The following ZEB1 variants were observed in gnomAD, a reference collection of about 807,000 sequenced individuals.
ZEB1 encodes the protein zinc finger E-box binding homeobox 1.
A neutral mutation model predicts 84.9 loss-of-function variants in ZEB1; 21 were observed. The ratio of observed to expected loss-of-function variants is 0.25; its 90% CI spans 0.18 to 0.36. ZEB1 has a LOEUF of 0.36. Ranked by LOEUF, ZEB1 falls within the 10% of genes least tolerant of loss-of-function variation. The pLI is 1.00. For synonymous variants in ZEB1, 420 were observed against 471.1 expected, an observed-to-expected ratio of 0.89 and a Z score of 1.41; for missense variants, 1,104 against 1,330.2, an observed-to-expected ratio of 0.83 and a Z score of 2.65.
intron 1 of ZEB1, among the ~76,000 whole-genome samples, chr10:31,422,261 TTA>T (rs2056294664): frequency 6.6e-6 from 1 of 152,160 alleles, no homozygotes. Context: ...AGGATCTTAA[TTA>T]TAGTTCTTCA....
intron 1 of ZEB1, among the ~76,000 whole-genome samples, chr10:31,349,746 GT>G (rs201641233): frequency 6.6e-6 from 1 of 151,954 alleles, no homozygotes; most frequent in Non-Finnish European, 1.5e-5. Flanking sequence ...ACCCTTTGCT[GT>G]TTTTTTATTA....
At chr10:31,356,193 T>C (rs898187846) in intron 1 of ZEB1, among the ~76,000 whole-genome samples, 3 of 152,110 alleles carry the variant, frequency 2.0e-5, no homozygotes, top group Admixed American at 6.6e-5. Context: ...TTAGAAAACA[T>C]CGTTCCTTAA....
chr10:31,414,647 T>C (rs1041401336), intron 1 of ZEB1, among the ~76,000 whole-genome samples: 6 of 152,216 alleles, frequency 3.9e-5, no homozygotes, highest in African/African-American at 1.4e-4. Context: ...TTAGAGGTTG[T>C]GAGTTGATAT....
At chr10:31,322,259 T>A (rs946357743) in intron 1 of ZEB1, among the ~76,000 whole-genome samples, 4 of 152,256 alleles carry the variant, frequency 2.6e-5, no homozygotes, top group Admixed American at 2.6e-4. Flanking sequence ...ATGTGCTGGT[T>A]AATATTTCTT....
intron 1 of ZEB1, among the ~76,000 whole-genome samples, chr10:31,425,033 G>C (rs1489947397): frequency 6.6e-6 from 1 of 151,778 alleles, no homozygotes; most frequent in African/African-American, 2.4e-5. Flanking sequence ...TTTTCTTACA[G>C]AAAATTTGAA....
In ZEB1 at chr10:31,521,828, C is replaced by T; in HGVS notation, c.2496C>T (p.Ala832=). Residue 832 remains alanine, a synonymous_variant, in exon 7 of 9, where the codon GCC becomes GCT. Transcript: ENST00000424869. ...NSVPCLRALA[A]NKQTILIPQV... Reference sequence around the variant, plus strand: ...TTCCATGCTTAAGAGCGCTAGCTGCCAATAAGCAAACGATTCTGATTCCCC... The same window carrying T: ...TTCCATGCTTAAGAGCGCTAGCTGCTAATAAGCAAACGATTCTGATTCCCC... 1 of 1,613,612 alleles carries T rather than the reference C, an allele frequency of 6.2e-7. No individual in the cohort carries two copies. The highest frequency in any genetic ancestry group is 8.5e-7 in the Non-Finnish European group (1 of 1,179,740).
intron 1 of ZEB1, among the ~76,000 whole-genome samples, chr10:31,407,211 C>T (rs1412393609): frequency 6.6e-6 from 1 of 150,462 alleles, no homozygotes; most frequent in South Asian, 2.1e-4. Flanking sequence ...CGTCATCTAG[C>T]ATTAGGTATA....
At chr10:31,474,618 G>T (rs1565027026) in intron 2 of ZEB1, among the ~76,000 whole-genome samples, 1 of 152,170 alleles carries the variant, frequency 6.6e-6, no homozygotes, top group Non-Finnish European at 1.5e-5. Flanking sequence ...TGGTGGGACT[G>T]TAAACTAGTT....
At chr10:31,441,508 A>G (rs1430855406) in intron 1 of ZEB1, among the ~76,000 whole-genome samples, 2 of 152,246 alleles carry the variant, frequency 1.3e-5, no homozygotes, top group Non-Finnish European at 2.9e-5. Flanking sequence ...CAAGGACTTC[A>G]TGTCTAAAAC....
At chr10:31,380,414 C>T (rs1045384630) in intron 1 of ZEB1, among the ~76,000 whole-genome samples, 1 of 152,158 alleles carries the variant, frequency 6.6e-6, no homozygotes, top group Non-Finnish European at 1.5e-5. Flanking sequence ...ACTGTTTCTT[C>T]ATACTGCATC....
chr10:31,521,664 C>A lies in ZEB1; in HGVS notation c.2332C>A (p.Pro778Thr). Reference protein sequence around the residue: ...PLNLSCAKKEPQKDSCVTDSE... With the variant: ...PLNLSCAKKETQKDSCVTDSE... The stretch of plus-strand genomic sequence containing the variant: ...GAACTTGTCTTGCGCAAAAAAGGAG[C>A]CACAAAAGGACAGTTGTGTTACAGA... Residue 778 changes from proline (P) to threonine (T), a missense_variant, in exon 7 of 9, where the codon CCA becomes ACA. Coordinates refer to ENST00000424869, the MANE Select transcript of ZEB1 (RefSeq NM_001174096.2). The A allele has an allele frequency of 6.2e-7, 1 of 1,614,040 alleles. No individual in the cohort carries two copies. Among genetic ancestry groups the A allele is most frequent in the Non-Finnish European group, 8.5e-7 (1 of 1,179,972 alleles).
At chr10:31,490,164 C>T (rs1016145106) in intron 2 of ZEB1, among the ~76,000 whole-genome samples, 3 of 151,116 alleles carry the variant, frequency 2.0e-5, no homozygotes, top group Admixed American at 6.6e-5. Context: ...TTGATGGGTT[C>T]GAGCCTAGAT....
chr10:31,455,666 A>G (rs2061122626), intron 1 of ZEB1, among the ~76,000 whole-genome samples: 2 of 152,248 alleles, frequency 1.3e-5, no homozygotes, highest in Non-Finnish European at 2.9e-5. Flanking sequence ...AATGCTCATC[A>G]TCACTGGTCA....
chr10:31,453,254 T>C (rs1439306313), intron 1 of ZEB1, among the ~76,000 whole-genome samples: 1 of 152,174 alleles, frequency 6.6e-6, no homozygotes, highest in African/African-American at 2.4e-5. Context: ...CCTGTGGCTT[T>C]AATCAATACA....
chr10:31,397,170 T>G (rs1411028692), intron 1 of ZEB1, among the ~76,000 whole-genome samples: 1 of 143,782 alleles, frequency 7.0e-6, no homozygotes, highest in African/African-American at 2.6e-5. Flanking sequence ...TTATTATTAT[T>G]ATTATTATTA....
chr10:31,451,850 A>C (rs555110421), intron 1 of ZEB1, among the ~76,000 whole-genome samples: 1 of 152,338 alleles, frequency 6.6e-6, no homozygotes, highest in Non-Finnish European at 1.5e-5. Flanking sequence ...GAGAAAGGCC[A>C]GAACAAGAAC....
chr10:31,334,135 T>A (rs2037461244), intron 1 of ZEB1, among the ~76,000 whole-genome samples: 1 of 151,898 alleles, frequency 6.6e-6, no homozygotes, highest in South Asian at 2.1e-4. Context: ...CAGAAAAAAA[T>A]TAAGAAAAAT....
chr10:31,427,098 G>A (rs754697753), intron 1 of ZEB1, among the ~76,000 whole-genome samples: 3 of 151,580 alleles, frequency 2.0e-5, no homozygotes, highest in Non-Finnish European at 2.9e-5. Context: ...AAAAAAACCC[G>A]GATGCATATA....
At chr10:31,368,077 A>T (rs1377743759) in intron 1 of ZEB1, among the ~76,000 whole-genome samples, 1 of 152,006 alleles carries the variant, frequency 6.6e-6, no homozygotes, top group Non-Finnish European at 1.5e-5. Context: ...TGGTGCCAGG[A>T]CACCCTCAGA....
Sources: gnomAD v4.1 joint callset for allele counts (sites outside exome capture counted in the v4.1 genomes callset) on GRCh38, gnomAD v4.1.1 for gene constraint, MANE v1.5 for transcripts, NCBI Gene and HGNC (gene_info 2026-07-23, HGNC 2026-07-21) for gene names.